The following AFDN variants were observed in gnomAD, a reference collection of about 807,000 sequenced individuals.
AFDN encodes afadin.
A neutral mutation model predicts 216.6 loss-of-function variants in AFDN; 68 were observed. The observed-to-expected ratio is 0.31, with a 90% confidence interval of 0.26 to 0.38. The LOEUF (loss-of-function observed/expected upper bound fraction) is 0.38. AFDN is among the 10% of genes least tolerant of loss of function. The pLI is 1.00. For missense variants in AFDN, 2,136 were observed against 2,342.0 expected (o/e 0.91, Z 1.82); for synonymous variants, 868 against 853.7 (o/e 1.02, Z -0.29).
intron 32 of AFDN, chr6:167,968,783 C>A: frequency 3.7e-6 from 1 of 270,450 alleles, no homozygotes; most frequent in South Asian, 6.2e-5. Flanking sequence ...AGGAACAGGG[C>A]AAATGTTGCC....
Position 167,880,476 on chromosome 6 carries a change from G to A in AFDN, c.856G>A (p.Gly286Ser). Reference protein sequence around the residue: ...FAVAEALEKYGLEKENPKDYC... With the variant: ...FAVAEALEKYSLEKENPKDYC... Reference sequence around the variant, plus strand: ...TGTGGCTGAAGCTTTAGAGAAGTATGGTCTGGAAAAAGAAAACCCTAAGGA... The same window carrying A: ...TGTGGCTGAAGCTTTAGAGAAGTATAGTCTGGAAAAAGAAAACCCTAAGGA... Residue 286 changes from glycine (G) to serine (S), a missense_variant, in exon 6 of 34, where the codon GGT (glycine) becomes AGT (serine). By Grantham distance (56) the Gly-to-Ser change is moderately conservative. This residue lies in a region of AFDN where 817 missense variants were observed against 965.7 expected (regional missense o/e 0.85). Transcript: ENST00000683244. The A allele has an allele frequency of 6.2e-7, 1 of 1,613,748 alleles. No homozygotes were observed. Among genetic ancestry groups the A allele is most frequent in the Non-Finnish European group, 8.5e-7 (1 of 1,179,790 alleles).
intron 23 of AFDN, among the ~76,000 whole-genome samples, chr6:167,933,927 C>T (rs1177320583): frequency 2.0e-5 from 3 of 152,210 alleles, no homozygotes; most frequent in Non-Finnish European, 4.4e-5. Context: ...TGCCCCATCT[C>T]TCTCAGTGGA....
At chr6:167,948,086 AT>A in intron 28 of AFDN, 142 bp downstream of exon 28, 1 of 777,416 alleles carries the variant, frequency 1.3e-6, no homozygotes, top group Non-Finnish European at 2.0e-6. Flanking sequence ...TTATCTTTTG[AT>A]TTTTAATATA....
chr6:167,846,596 T>A (rs1238569289), intron 1 of AFDN, among the ~76,000 whole-genome samples: 1 of 152,004 alleles, frequency 6.6e-6, no homozygotes, highest in Non-Finnish European at 1.5e-5. Flanking sequence ...ACTTTTTATT[T>A]GTTGTGATGT....
At chr6:167,890,016 A>G (rs1787366145) in intron 7 of AFDN, among the ~76,000 whole-genome samples, 1 of 152,210 alleles carries the variant, frequency 6.6e-6, no homozygotes, top group Non-Finnish European at 1.5e-5. Context: ...TTCCCTTATT[A>G]TTTCAAAGCA....
At chr6:167,943,850 C>T (rs1406278033) in intron 25 of AFDN, 91 bp from the exon 26 acceptor site, 2 of 1,067,536 alleles carry the variant, frequency 1.9e-6, no homozygotes, top group Non-Finnish European at 1.4e-6. Flanking sequence ...AGCTGTGTAA[C>T]ATGATTTTCC....
chr6:167,919,215 A>T lies in AFDN; in HGVS notation c.2908+282A>T, dbSNP rs913657807. On this transcript the variant is annotated intron_variant, in intron 21 of 33. Transcript: ENST00000683244. ...TTTCTGCCTGGGCTGATAACAAGGAACCGTTTATTGTTCTCCCTTCTTGGT... is the reference window on the plus strand; with the variant it reads ...TTTCTGCCTGGGCTGATAACAAGGATCCGTTTATTGTTCTCCCTTCTTGGT... Among the ~76,000 whole-genome samples the T allele has an allele frequency of 2.6e-5, 4 of 152,344 alleles. No individual in the cohort carries two copies. The Middle Eastern group carries it at 0.014, about 518-fold the overall frequency.
intron 9 of AFDN, 107 bp from the exon 10 acceptor site, chr6:167,896,771 T>G: frequency 3.5e-5 from 21 of 596,704 alleles, no homozygotes; most frequent in Non-Finnish European, 5.5e-5. Context: ...AAAGAAATCC[T>G]GAGAAATGAG....
intron 19 of AFDN, among the ~76,000 whole-genome samples, chr6:167,916,328 A>G (rs1012752508): frequency 6.6e-6 from 1 of 152,202 alleles, no homozygotes. Flanking sequence ...TCTCGAAAAA[A>G]GATAACACTC....
intron 1 of AFDN, among the ~76,000 whole-genome samples, chr6:167,845,179 G>A (rs1279267466): frequency 6.6e-6 from 1 of 152,036 alleles, no homozygotes; most frequent in African/African-American, 2.4e-5. Context: ...TTTCATGAAT[G>A]TTTCTTGCCA....
chr6:167,890,858 C>A lies in AFDN; in HGVS notation c.1010-4C>A. On this transcript the variant is annotated splice_polypyrimidine_tract_variant and splice_region_variant and intron_variant, in intron 7 of 33. Coordinates refer to ENST00000683244, the MANE Select transcript of AFDN (RefSeq NM_001386888.1). ...CCTGATGATTTCCCATGCTGCTGTTCTAGGGATTTTAGTCTTTCAGTTGAA... is the reference window on the plus strand; with the variant it reads ...CCTGATGATTTCCCATGCTGCTGTTATAGGGATTTTAGTCTTTCAGTTGAA... The A allele has an allele frequency of 2.5e-6, 4 of 1,612,684 alleles. No homozygotes were observed. In the East Asian group the frequency reaches 8.9e-5, roughly 36 times the overall value.
chr6:167,845,573 G>A (rs1781574992), intron 1 of AFDN, among the ~76,000 whole-genome samples: 1 of 151,922 alleles, frequency 6.6e-6, no homozygotes, highest in Admixed American at 6.6e-5. Flanking sequence ...ACAGGGTTTC[G>A]CCATGTTGGT....
chr6:167,919,802 A>C (rs371359286), intron 21 of AFDN, among the ~76,000 whole-genome samples: 1 of 152,234 alleles, frequency 6.6e-6, no homozygotes, highest in East Asian at 1.9e-4. Context: ...TAAAGTAGAA[A>C]ACAGCTCAGA....
intron 32 of AFDN, among the ~76,000 whole-genome samples, chr6:167,966,751 C>T (rs537613238): frequency 7.2e-5 from 11 of 152,308 alleles, no homozygotes; most frequent in East Asian, 3.9e-4. Flanking sequence ...ATAGATCACG[C>T]GCTCTCATGG....
chr6:167,948,552 T>C, intron 29 of AFDN, 74 bp downstream of exon 29: 1 of 1,396,872 alleles, frequency 7.2e-7, no homozygotes, highest in African/African-American at 1.4e-5. Flanking sequence ...ACACAATTAA[T>C]ATTTTCTATA....
At chr6:167,955,891 A>G (rs1583043767) in intron 30 of AFDN, among the ~76,000 whole-genome samples, 1 of 151,876 alleles carries the variant, frequency 6.6e-6, no homozygotes, top group Non-Finnish European at 1.5e-5. Context: ...CGAGCAGGTG[A>G]ATCACCTGAG....
chr6:167,858,611 G>A (rs1172719239), intron 1 of AFDN, among the ~76,000 whole-genome samples: 8 of 152,316 alleles, frequency 5.3e-5, no homozygotes, highest in Admixed American at 2.0e-4. Context: ...ACACAGTTGT[G>A]CATTGCTGTG....
rs1788545917 is a variant in AFDN at position 167,898,411 on chromosome 6, T to A, written c.1524T>A (p.Leu508=). 4.3e-6 allele frequency: 7 copies of A among 1,614,078 alleles called. No homozygotes were observed. The highest frequency in any genetic ancestry group is 5.9e-6 in the Non-Finnish European group (7 of 1,180,036). The change falls in exon 11 of 34, where the codon CTT becomes CTA. Residue 508 remains leucine, a synonymous_variant. Coordinates refer to ENST00000683244, the MANE Select transcript of AFDN (RefSeq NM_001386888.1). ...TGGACCCCAGTCAGGATCATGCTCT[T>A]GCAAAAAGATCTGTGGATGGAGGCC... ...KFVDPSQDHA[L]AKRSVDGGLM...
rs1161650260 is a variant in AFDN at position 167,907,196 on chromosome 6, G to C, written c.1676G>C (p.Arg559Thr). Reference sequence around the variant, plus strand: ...AGCACCACTAGGCTGGACAGCGACAGAGTGTCGTCTGCCTCTAGCACAGCC... The same window carrying C: ...AGCACCACTAGGCTGGACAGCGACACAGTGTCGTCTGCCTCTAGCACAGCC... ...SKSTTRLDSD[R>T]VSSASSTAER... is the part of the protein sequence containing the mutation. The change falls in exon 13 of 34, where the codon AGA becomes ACA. Residue 559 changes from arginine to threonine, a missense_variant. Physicochemically the swap from Arg to Thr is moderately conservative, Grantham distance 71. Transcript: ENST00000683244. 1.9e-6 allele frequency: 3 copies of C among 1,614,070 alleles called. No homozygotes were observed. Among genetic ancestry groups the C allele is most frequent in the African/African-American group, 2.7e-5 (2 of 74,946 alleles).
Sources: gnomAD v4.1 joint callset for allele counts (sites outside exome capture counted in the v4.1 genomes callset) on GRCh38, gnomAD v4.1.1 for gene constraint, gnomAD v4.1.1 regional missense constraint, MANE v1.5 for transcripts, NCBI Gene and HGNC (gene_info 2026-07-23, HGNC 2026-07-21) for gene names.